VDR: variants seen among roughly 807,000 people sequenced by gnomAD.
VDR encodes vitamin D receptor, also known as vitamin D3 receptor.
VDR carries 19 observed loss-of-function variants against 39.7 expected under a neutral mutation model. That is an observed-to-expected ratio of 0.48 (90% CI 0.33 to 0.70). The LOEUF is 0.70. Among genes scored for constraint, VDR ranks in the 30% least tolerant of loss-of-function variants. VDR has a pLI of 0.02. For missense variants in VDR, 442 were observed against 570.5 expected, an observed-to-expected ratio of 0.77 and a Z score of 2.29; for synonymous variants, 242 against 215.8, an observed-to-expected ratio of 1.12 and a Z score of -1.07.
At chr12:47,881,496 GA>G (rs910923119) in intron 2 of VDR, among the ~76,000 whole-genome samples, 1 of 151,964 alleles carries the variant, frequency 6.6e-6, no homozygotes, top group Non-Finnish European at 1.5e-5. Flanking sequence ...GAAAAGTTCA[GA>G]AAAAAAGAAC....
intron 1 of VDR, among the ~76,000 whole-genome samples, chr12:47,888,980 CT>C (rs1263531641): frequency 6.6e-6 from 1 of 152,182 alleles, no homozygotes; most frequent in African/African-American, 2.4e-5. Flanking sequence ...GATTTGATCA[CT>C]GCACATTGTG....
intron 1 of VDR, among the ~76,000 whole-genome samples, chr12:47,904,303 C>T (rs1946625534): frequency 6.6e-6 from 1 of 151,902 alleles, no homozygotes; most frequent in South Asian, 2.1e-4. Context: ...CCACCACCCA[C>T]AGATCCAGGG....
At chr12:47,890,321 G>GTAATATA (rs1419967591) in intron 1 of VDR, among the ~76,000 whole-genome samples, 1 of 147,416 alleles carries the variant, frequency 6.8e-6, no homozygotes, top group African/African-American at 2.5e-5. Context: ...TTATTGTTTT[G>GTAATATA]TATTTTACAT....
intron 7 of VDR, among the ~76,000 whole-genome samples, chr12:47,853,272 C>T (rs1945421904): frequency 6.6e-6 from 1 of 151,374 alleles, no homozygotes; most frequent in Non-Finnish European, 1.5e-5. Flanking sequence ...GAAACCCTGT[C>T]TCTACTAAAA....
At chr12:47,853,980 A>G (rs1455825208) in intron 7 of VDR, among the ~76,000 whole-genome samples, 3 of 152,132 alleles carry the variant, frequency 2.0e-5, no homozygotes, top group African/African-American at 7.3e-5. Context: ...TATATACAGT[A>G]CTAGTGTTAA....
intron 3 of VDR, among the ~76,000 whole-genome samples, chr12:47,869,436 T>C (rs1303447339): frequency 2.1e-5 from 3 of 145,798 alleles, no homozygotes; most frequent in Admixed American, 7.2e-5. Context: ...CTCGGGAGGC[T>C]GAGGCAGGAG....
intron 1 of VDR, among the ~76,000 whole-genome samples, chr12:47,890,381 A>ATATAT (rs1014784664): frequency 6.8e-6 from 1 of 147,688 alleles, no homozygotes; most frequent in African/African-American, 2.5e-5. Context: ...TATATTTTAT[A>ATATAT]TATATATATA....
At chr12:47,871,339 T>TTTCTTTCTTTCC (rs1421325907) in intron 3 of VDR, among the ~76,000 whole-genome samples, 3 of 145,798 alleles carry the variant, frequency 2.1e-5, no homozygotes, top group Non-Finnish European at 3.0e-5. Flanking sequence ...TCTTTCTTTC[T>TTTCTTTCTTTCC]TTCTTTCTTT....
At chr12:47,883,820 G>A (rs1946205433) in intron 1 of VDR, among the ~76,000 whole-genome samples, 1 of 152,182 alleles carries the variant, frequency 6.6e-6, no homozygotes, top group Non-Finnish European at 1.5e-5. Flanking sequence ...CAAGACCTGG[G>A]CCCGGTCCTA....
rs75590999 is a variant in VDR, at chr12:47,844,929, G to A, written c.1101C>T (p.Ile367=). 2.5e-6 allele frequency: 4 copies of A among 1,614,092 alleles called. No individual in the cohort carries two copies. The highest frequency in any genetic ancestry group is 3.4e-6 in the Non-Finnish European group (4 of 1,180,004). ...TGCCCGGGGGCGGGTGGCGGCAGCG[G>A]ATGTACGTCTGCAGTGTGTTGGACA... ...DRLSNTLQTY[I]RCRHPPPGSH... The change falls in exon 10 of 10, where the codon ATC becomes ATT. Residue 367 remains isoleucine (I), a synonymous_variant. Transcript: ENST00000549336.
intron 1 of VDR, among the ~76,000 whole-genome samples, chr12:47,886,528 G>A (rs1279090699): frequency 6.6e-6 from 1 of 152,082 alleles, no homozygotes; most frequent in East Asian, 1.9e-4. Flanking sequence ...GAGTGGAGAG[G>A]GTTTACTGTA....
At chr12:47,901,860 GA>G (rs1334468412) in intron 1 of VDR, among the ~76,000 whole-genome samples, 1 of 152,204 alleles carries the variant, frequency 6.6e-6, no homozygotes, top group African/African-American at 2.4e-5. Flanking sequence ...AACCAAAGGT[GA>G]GGCCAGTCAC....
chr12:47,882,643 C>T, intron 2 of VDR, 51 bp downstream of exon 2: 2 of 814,536 alleles, frequency 2.5e-6, no homozygotes, highest in South Asian at 1.6e-5. Context: ...CCCACCCCGC[C>T]CCTTGAAAAC....
At chr12:47,871,355 T>TTTCG in intron 3 of VDR, among the ~76,000 whole-genome samples, 1 of 146,640 alleles carries the variant, frequency 6.8e-6, no homozygotes, top group South Asian at 2.2e-4. Context: ...TCTTTCTTTC[T>TTTCG]TTCCTTTCTC....
intron 3 of VDR, among the ~76,000 whole-genome samples, chr12:47,878,595 T>C (rs1946058261): frequency 6.6e-6 from 1 of 152,202 alleles, no homozygotes; most frequent in African/African-American, 2.4e-5. Context: ...GTTCTTGGGC[T>C]TTCCCCAAAG....
chr12:47,859,243 C>T (rs776360308), intron 4 of VDR, among the ~76,000 whole-genome samples: 26 of 152,324 alleles, frequency 1.7e-4, no homozygotes, highest in South Asian at 6.2e-4. Flanking sequence ...TCTACAGGCA[C>T]GTAGCTCAGC....
intron 9 of VDR, 152 bp downstream of exon 9, chr12:47,846,183 G>A: frequency 1.5e-6 from 1 of 688,412 alleles, no homozygotes; most frequent in Non-Finnish European, 2.6e-6. Flanking sequence ...ACACCACAGG[G>A]GCTCTGCAAA....
At chr12:47,888,106 T>G (rs1398933071) in intron 1 of VDR, among the ~76,000 whole-genome samples, 1 of 152,140 alleles carries the variant, frequency 6.6e-6, no homozygotes, top group East Asian at 1.9e-4. Context: ...TGAAAGGTAC[T>G]TCTTACATGG....
At chr12:47,878,909 A>G in intron 3 of VDR, 59 bp downstream of exon 3, 4 of 1,613,372 alleles carry the variant, frequency 2.5e-6, no homozygotes, top group Non-Finnish European at 2.5e-6. Context: ...CCCTTCATGG[A>G]AACACCTTGC....
Sources: gnomAD v4.1 joint callset for allele counts (sites outside exome capture counted in the v4.1 genomes callset) on GRCh38, gnomAD v4.1.1 for gene constraint, MANE v1.5 for transcripts, NCBI Gene and HGNC (gene_info 2026-07-23, HGNC 2026-07-21) for gene names.